The following ADCY8 variants were observed in gnomAD, a reference collection of about 807,000 sequenced individuals.
The protein encoded by ADCY8 is adenylate cyclase type 8.
A neutral mutation model predicts 119.7 loss-of-function variants in ADCY8; 51 were observed. That is an observed-to-expected ratio of 0.43 (90% confidence interval 0.34 to 0.54). ADCY8 has a LOEUF of 0.54. Among genes scored for constraint, ADCY8 ranks in the 20% least tolerant of loss-of-function variants. ADCY8 has a pLI of 0.03. For synonymous variants in ADCY8, 665 were observed against 651.0 expected, an observed-to-expected ratio of 1.02 and a Z score of -0.33; for missense variants, 1,383 against 1,598.8, an observed-to-expected ratio of 0.87 and a Z score of 2.30.
intron 5 of ADCY8, among the ~76,000 whole-genome samples, chr8:130,929,854 C>T (rs1307255181): frequency 1.3e-5 from 2 of 152,216 alleles, no homozygotes; most frequent in South Asian, 4.1e-4. Flanking sequence ...GTTATATCCA[C>T]TTGCTGAATC....
chr8:130,939,713 T>G (rs998685195), intron 4 of ADCY8, among the ~76,000 whole-genome samples: 1 of 152,230 alleles, frequency 6.6e-6, no homozygotes, highest in Non-Finnish European at 1.5e-5. Context: ...CAAAATAATC[T>G]ATCTTGTCCT....
At chr8:130,880,853 C>A (rs534347104) in intron 8 of ADCY8, among the ~76,000 whole-genome samples, 1 of 152,126 alleles carries the variant, frequency 6.6e-6, no homozygotes, top group Non-Finnish European at 1.5e-5. Flanking sequence ...CATATGGCCA[C>A]CATGATCATA....
At chr8:130,902,643 C>A (rs1233026878) in intron 7 of ADCY8, among the ~76,000 whole-genome samples, 1 of 152,120 alleles carries the variant, frequency 6.6e-6, no homozygotes, top group Non-Finnish European at 1.5e-5. Context: ...AGACTTTCAG[C>A]ATTTTAACCT....
chr8:131,013,952 C>T (rs539819687), intron 1 of ADCY8, among the ~76,000 whole-genome samples: 2 of 152,260 alleles, frequency 1.3e-5, no homozygotes, highest in South Asian at 2.1e-4. Flanking sequence ...AGGAATCTCA[C>T]ATTAGCCTAA....
At chr8:131,034,389 GAA>G (rs1563776066) in intron 1 of ADCY8, among the ~76,000 whole-genome samples, 1 of 151,934 alleles carries the variant, frequency 6.6e-6, no homozygotes, top group African/African-American at 2.4e-5. Context: ...AAGTCACATA[GAA>G]AGTCAGCTCC....
intron 7 of ADCY8, among the ~76,000 whole-genome samples, chr8:130,899,814 C>T (rs981201542): frequency 1.3e-5 from 2 of 152,092 alleles, no homozygotes; most frequent in African/African-American, 4.8e-5. Context: ...TTCTTATCTT[C>T]CTTTCATTTG....
intron 7 of ADCY8, among the ~76,000 whole-genome samples, chr8:130,888,270 A>G (rs1337906463): frequency 2.0e-5 from 3 of 151,810 alleles, no homozygotes; most frequent in Non-Finnish European, 4.4e-5. Flanking sequence ...TGAAGTATAC[A>G]TTGTATTTAT....
intron 1 of ADCY8, among the ~76,000 whole-genome samples, chr8:131,004,157 C>T (rs896287595): frequency 6.6e-6 from 1 of 152,050 alleles, no homozygotes; most frequent in Admixed American, 6.6e-5. Flanking sequence ...GTCTAGTGTA[C>T]CATGGAGGGA....
At chr8:130,995,557 A>T (rs976162777) in intron 1 of ADCY8, among the ~76,000 whole-genome samples, 2 of 151,974 alleles carry the variant, frequency 1.3e-5, no homozygotes, top group African/African-American at 4.8e-5. Flanking sequence ...TCACTTACTC[A>T]TTTTGCTCTA....
At chr8:130,853,719 T>C (rs942993999) in intron 9 of ADCY8, among the ~76,000 whole-genome samples, 1 of 152,012 alleles carries the variant, frequency 6.6e-6, no homozygotes, top group African/African-American at 2.4e-5. Context: ...CAGTTTTAAA[T>C]GGCTTTCTTC....
chr8:130,983,733 C>CTA (rs1173899611), intron 2 of ADCY8, among the ~76,000 whole-genome samples: 1 of 152,072 alleles, frequency 6.6e-6, no homozygotes, highest in African/African-American at 2.4e-5. Context: ...AAATTAGGCA[C>CTA]TAAGAAGATG....
intron 9 of ADCY8, among the ~76,000 whole-genome samples, chr8:130,857,832 T>C (rs1817796939): frequency 6.6e-6 from 1 of 152,250 alleles, no homozygotes; most frequent in African/African-American, 2.4e-5. Context: ...AGTGATCTTA[T>C]GGTGAAAAGC....
chr8:130,890,039 A>G (rs138756877), intron 7 of ADCY8, among the ~76,000 whole-genome samples: 13 of 152,202 alleles, frequency 8.5e-5, no homozygotes, highest in Admixed American at 2.0e-4. Flanking sequence ...TGTTTTATCT[A>G]TAACTGAGTC....
At position 130,870,018 on chromosome 8, in the gene ADCY8, C is replaced by CTT. The variant is rs563831552; in HGVS notation, c.2110-2074_2110-2073dup. 1.1e-3 allele frequency among the ~76,000 whole-genome samples: 128 copies of CTT among 115,888 alleles called. 1 individual carries two copies. The highest frequency in any genetic ancestry group is 1.8e-3 in the South Asian group (5 of 2,738). The allele number at this position is 115,888 out of a possible 152,430, so 76.0% of individuals were successfully genotyped here. Reference sequence around the variant, plus strand: ...TCTCCTCTTCCTCTTCTTTCTTCTTCTTTTTTTTTTTTTTGATGGAGTCTT... The same window carrying CTT: ...TCTCCTCTTCCTCTTCTTTCTTCTTCTTTTTTTTTTTTTTTTGATGGAGTCTT... On this transcript the variant is annotated intron_variant, in intron 8 of 17. Transcript: ENST00000286355.
intron 4 of ADCY8, among the ~76,000 whole-genome samples, chr8:130,938,392 A>G (rs554147461): frequency 6.6e-6 from 1 of 152,232 alleles, no homozygotes; most frequent in African/African-American, 2.4e-5. Context: ...GTTTTTCATC[A>G]TGGACAAGTG....
intron 1 of ADCY8, among the ~76,000 whole-genome samples, chr8:131,003,174 A>G: frequency 6.7e-6 from 1 of 148,434 alleles, no homozygotes; most frequent in African/African-American, 2.5e-5. Context: ...GCACCATTGC[A>G]CTCCAGCCTG....
At chr8:131,034,689 C>T (rs559569571) in intron 1 of ADCY8, among the ~76,000 whole-genome samples, 3 of 147,952 alleles carry the variant, frequency 2.0e-5, no homozygotes, top group Non-Finnish European at 4.5e-5. Flanking sequence ...TTTGATTGTA[C>T]AGTTATCTTG....
intron 1 of ADCY8, among the ~76,000 whole-genome samples, chr8:131,033,167 G>T (rs988353953): frequency 2.0e-5 from 3 of 152,146 alleles, no homozygotes; most frequent in African/African-American, 7.2e-5. Context: ...TGTTGCAAGT[G>T]TCTCCTATGT....
At chr8:131,034,232 A>G (rs1824080736) in intron 1 of ADCY8, among the ~76,000 whole-genome samples, 1 of 152,184 alleles carries the variant, frequency 6.6e-6, no homozygotes, top group Non-Finnish European at 1.5e-5. Flanking sequence ...AGATAGCTAC[A>G]AAGAACCTTA....
Sources: allele counts gnomAD v4.1 joint callset (sites outside exome capture counted in the v4.1 genomes callset), GRCh38; gene constraint gnomAD v4.1.1; transcripts MANE v1.5; gene names NCBI Gene and HGNC (gene_info 2026-07-23, HGNC 2026-07-21).